The following SBDS variants were observed in gnomAD, a reference collection of about 807,000 sequenced individuals.
SBDS encodes the protein ribosome maturation protein SBDS.
SBDS carries 20 observed loss-of-function variants against 26.4 expected under a neutral mutation model. The observed-to-expected ratio is 0.76, with a 90% CI of 0.53 to 1.10. The LOEUF (loss-of-function observed/expected upper bound fraction) is 1.10. Among genes scored for constraint, SBDS ranks in the 50% least tolerant of loss-of-function variants. The pLI is 0.00. For missense variants in SBDS, 241 were observed against 302.0 expected (o/e 0.80, Z 1.50); for synonymous variants, 95 against 105.1 (o/e 0.90, Z 0.59).
chr7:66,992,851 T>TA (rs1192940746), intron 3 of SBDS, among the ~76,000 whole-genome samples: 2 of 151,788 alleles, frequency 1.3e-5, no homozygotes, highest in Non-Finnish European at 2.9e-5. Flanking sequence ...CTACTAAAAA[T>TA]ACAAAATTAG....
rs1189314119 is a variant in SBDS, at chr7:66,991,301, C to G, written c.460G>C (p.Ala154Pro). The change falls in exon 4 of 5, where the codon GCT becomes CCT. Residue 154 changes from alanine (A) to proline (P), a missense_variant and splice_region_variant. Physicochemically the swap from Ala to Pro is conservative, Grantham distance 27. Transcript: ENST00000246868. ...VKTNKSTKQQ[A>P]LEVIKQLKEK... is the part of the protein sequence containing the mutation. ...TTTAACTGCTTTATCACTTCCAAAG[C>G]CTACCAAGACAAAATCGAGAATGCA... 2.5e-6 allele frequency: 4 copies of G among 1,607,436 alleles called. No homozygotes were observed. The highest frequency in any genetic ancestry group is 3.4e-6 in the Non-Finnish European group (4 of 1,176,172).
At chr7:66,994,077 T>C in intron 2 of SBDS, 135 bp downstream of exon 2, 5 of 858,062 alleles carry the variant, frequency 5.8e-6, no homozygotes, top group Non-Finnish European at 5.5e-6. Context: ...TCTTTATTAT[T>C]AGAAGTGACA....
At chr7:66,992,771 G>A (rs1273870032) in intron 3 of SBDS, among the ~76,000 whole-genome samples, 1 of 151,994 alleles carries the variant, frequency 6.6e-6, no homozygotes, top group Non-Finnish European at 1.5e-5. Flanking sequence ...ACTTTGGGAG[G>A]CCAAGGCGGA....
chr7:66,989,224 C>T (rs1792925706), intron 4 of SBDS, among the ~76,000 whole-genome samples: 1 of 151,440 alleles, frequency 6.6e-6, no homozygotes, highest in Admixed American at 6.6e-5. Flanking sequence ...ACATACTCAA[C>T]ACTTCTCTAC....
chr7:66,995,266 G>A, intron 1 of SBDS, 24 bp downstream of exon 1: 2 of 1,613,250 alleles, frequency 1.2e-6, no homozygotes, highest in Middle Eastern at 1.8e-4. Flanking sequence ...CCCAGGCCCA[G>A]GCCCGAGGGA....
intron 4 of SBDS, among the ~76,000 whole-genome samples, chr7:66,988,841 C>T (rs1242931458): frequency 2.6e-5 from 4 of 152,154 alleles, no homozygotes; most frequent in Non-Finnish European, 4.4e-5. Flanking sequence ...AAAGTCACCT[C>T]CACGTATGAA....
chr7:66,992,317 G>T (rs1253202196), intron 3 of SBDS, among the ~76,000 whole-genome samples: 1 of 152,082 alleles, frequency 6.6e-6, no homozygotes, highest in Non-Finnish European at 1.5e-5. Context: ...AGGGGCCTGT[G>T]GGGGGAAAAT....
chr7:66,994,211 C>T lies in SBDS; in HGVS notation c.258+1G>A. On this transcript the variant is annotated splice_donor_variant, in intron 2 of 4. Coordinates refer to ENST00000246868, the MANE Select transcript of SBDS (RefSeq NM_016038.4). LOFTEE classifies it high-confidence loss of function. ...TTAGCTATGCTGCAGCTGTTACCCA[C>T]CTGCTTACAGATTTCAGTTTGGTCA... The T allele has an allele frequency of 6.2e-7, 1 of 1,613,980 alleles. No homozygotes were observed. The highest frequency in any genetic ancestry group is 1.1e-5 in the South Asian group (1 of 91,086).
Position 66,995,271 on chromosome 7 carries a change from G to C in SBDS, c.128+19C>G. 6.2e-7 allele frequency: 1 copy of C among 1,613,340 alleles called. No individual in the cohort carries two copies. The highest frequency in any genetic ancestry group is 8.5e-7 in the Non-Finnish European group (1 of 1,179,916). Reference sequence around the variant, plus strand: ...ACGGCTCAGGCCCAGGCCCAGGCCCGAGGGAGGGGGCTACTCACACGCCGC... The same window carrying C: ...ACGGCTCAGGCCCAGGCCCAGGCCCCAGGGAGGGGGCTACTCACACGCCGC... On this transcript the variant is annotated intron_variant, in intron 1 of 4. Transcript: ENST00000246868.
At chr7:66,994,038 A>AAAC (rs760519120) in intron 2 of SBDS, among the ~76,000 whole-genome samples, 174 bp downstream of exon 2, 35 of 148,034 alleles carry the variant, frequency 2.4e-4, no homozygotes, top group African/African-American at 7.7e-4. Context: ...AAAAAAAAAA[A>AAAC]CCACAAAAAA....
In SBDS at chr7:66,995,183, C is replaced by A. The variant is rs917329918; in HGVS notation, c.128+107G>T. The A allele has an allele frequency of 6.7e-6, 10 of 1,502,984 alleles. No individual in the cohort carries two copies. The African/African-American group carries it at 1.1e-4, about 17-fold the overall frequency. The allele number at this position is 1,502,984 out of a possible 1,614,324, so 93.1% of individuals were successfully genotyped here. The stretch of plus-strand genomic sequence containing the variant: ...CAGCAGGAATGTTCCATTTCCTCCC[C>A]GGCCAACACCCCAGCCTGGCCCATT... On this transcript the variant is annotated intron_variant, in intron 1 of 4. Transcript: ENST00000246868.
chr7:66,988,327 A>G lies in SBDS; in HGVS notation c.*44T>C, dbSNP rs778641522. The stretch of plus-strand genomic sequence containing the variant: ...CAGACATGAAACAGTGCCGTCGGAA[A>G]CGGAAACACTTTAGTGTTTTAGAGG... On this transcript the variant is annotated 3_prime_UTR_variant, in exon 5 of 5. Transcript: ENST00000246868. 1.4e-4 allele frequency: 225 copies of G among 1,604,242 alleles called. No individual in the cohort carries two copies. Among genetic ancestry groups the G allele is most frequent in the Non-Finnish European group, 1.8e-4 (217 of 1,175,136 alleles).
In SBDS at chr7:66,991,263, C is replaced by G. The variant is rs1226498367; in HGVS notation, c.498G>C (p.Lys166Asn). The G allele has an allele frequency of 5.0e-6, 8 of 1,613,258 alleles. No homozygotes were observed. Among genetic ancestry groups the G allele is most frequent in the Admixed American group, 1.7e-5 (1 of 59,858 alleles). ...EVIKQLKEKM[K>N]IERAHMRLRF... ...GAAGCCTCATGTGAGCACGTTCTAT[C>G]TTCATTTTCTCTTTTAACTGCTTTA... Residue 166 changes from lysine (K) to asparagine (N), a missense_variant, in exon 4 of 5, where the codon AAG becomes AAC. Transcript: ENST00000246868.
At chr7:66,994,511 C>CCCCCCCT (rs1243890197) in intron 1 of SBDS, 170 bp from the exon 2 acceptor site, 1 of 653,904 alleles carries the variant, frequency 1.5e-6, no homozygotes, top group African/African-American at 1.9e-5. Flanking sequence ...ACCCCCGCCC[C>CCCCCCCT]TAGATGGAAT....
chr7:66,994,514 G>C (rs1489503497), intron 1 of SBDS, 173 bp from the exon 2 acceptor site: 2 of 667,702 alleles, frequency 3.0e-6, no homozygotes, highest in Non-Finnish European at 2.7e-6. Flanking sequence ...CCCGCCCCTA[G>C]ATGGAATTTC....
chr7:66,995,454 G>A lies in SBDS; in HGVS notation c.-37C>T. 3.1e-6 allele frequency: 5 copies of A among 1,612,484 alleles called. No homozygotes were observed. Among genetic ancestry groups the A allele is most frequent in the Non-Finnish European group, 4.2e-6 (5 of 1,179,902 alleles). ...AAAGACCCAGAAGCCGGCGAACCAG[G>A]GCTGACCCGCGCCGTCCAGCCTGAA... is the stretch of plus-strand genomic sequence containing the variant. On this transcript the variant is annotated 5_prime_UTR_variant, in exon 1 of 5. Coordinates refer to ENST00000246868, the MANE Select transcript of SBDS (RefSeq NM_016038.4).
At chr7:66,991,955 T>C (rs879660209) in intron 3 of SBDS, among the ~76,000 whole-genome samples, 29 of 152,048 alleles carry the variant, frequency 1.9e-4, no homozygotes, top group Non-Finnish European at 1.6e-4. Context: ...TCTTAAACAC[T>C]GATGGTGGTA....
rs1283193980 is a variant in SBDS at position 66,994,137 on chromosome 7, C to A, written c.258+75G>T. 3.4e-6 allele frequency: 5 copies of A among 1,453,682 alleles called. No individual in the cohort carries two copies. The East Asian group carries it at 6.8e-5, about 20-fold the overall frequency. The allele number at this position is 1,453,682 out of a possible 1,614,324, so 90.0% of individuals were successfully genotyped here. A position where few individuals can be genotyped will look rare whatever the true frequency, so the allele number is the denominator to read the frequency against. On this transcript the variant is annotated intron_variant, in intron 2 of 4. Transcript: ENST00000246868. ...GTTAGTCTTTCCTCCAGAAAAACAG[C>A]CTTTAATGTTTAATATATCTACAAA...
chr7:66,993,366 GTT>G lies in SBDS; in HGVS notation c.308_309del (p.Gln103ProfsTer6), dbSNP rs1793016461. The stretch of plus-strand genomic sequence containing the variant: ...GCAATGTCCCTAAACATCTGCTCCA[GTT>G]GTGTGTGTCTTTCTTTATCTGATAC... Reference protein sequence around the residue: ...VQVSDKERHTQLEQMFRDIAT... With the variant: ...VQVSDKERHTXLEQMFRDIAT... On this transcript the variant is annotated frameshift_variant, in exon 3 of 5. Transcript: ENST00000246868. LOFTEE classifies it high-confidence loss of function. 6.2e-7 allele frequency: 1 copy of G among 1,613,976 alleles called. No individual in the cohort carries two copies.
Sources: allele counts gnomAD v4.1 joint callset (sites outside exome capture counted in the v4.1 genomes callset), GRCh38; gene constraint gnomAD v4.1.1; transcripts MANE v1.5; gene names NCBI Gene and HGNC (gene_info 2026-07-23, HGNC 2026-07-21).